Variants in GPAM observed in about 807,000 individuals in gnomAD.
The protein encoded by GPAM is glycerol-3-phosphate acyltransferase 1, mitochondrial.
Under a neutral mutation model 105.0 loss-of-function variants are expected in GPAM, and 56 were observed. The ratio of observed to expected loss-of-function variants is 0.53; its 90% CI spans 0.43 to 0.67. GPAM has a LOEUF of 0.67. Among genes scored for constraint, GPAM ranks in the 30% least tolerant of loss-of-function variants. The pLI is 0.00. For synonymous variants in GPAM, 368 were observed against 354.4 expected, an observed-to-expected ratio of 1.04 and a Z score of -0.43; for missense variants, 855 against 989.8, an observed-to-expected ratio of 0.86 and a Z score of 1.83.
intron 20 of GPAM, chr10:112,154,968 A>G (rs949900906): frequency 3.9e-6 from 2 of 509,718 alleles, no homozygotes; most frequent in Non-Finnish European, 7.1e-6. Flanking sequence ...GAACAGAGGG[A>G]AGTAGAAATA....
At chr10:112,226,913 C>T in the GPAM span, among the ~76,000 whole-genome samples, 1 of 152,134 alleles carries the variant, frequency 6.6e-6, no homozygotes, top group South Asian at 2.1e-4. Context: ...TGCAGCAGGG[C>T]AGACTTCCAC....
At chr10:112,220,160 AG>A (rs2133315280), upstream of GPAM, among the ~76,000 whole-genome samples, 1 of 152,182 alleles carries the variant, frequency 6.6e-6, no homozygotes, top group East Asian at 1.9e-4. Flanking sequence ...TAGACTGAGC[AG>A]GCAGGAGGAC....
At position 112,163,822 on chromosome 10, in the gene GPAM, A is replaced by C. The variant is rs763973813; in HGVS notation, c.1308-6T>G. ...CATCAGCAGCATCACTGGGTCTAAA[A>C]AGTGTTTCAAAAATCAACACACAAC... On this transcript the variant is annotated splice_region_variant and splice_polypyrimidine_tract_variant and intron_variant, in intron 13 of 21. Coordinates refer to ENST00000348367, the MANE Select transcript of GPAM (RefSeq NM_001244949.2). 2 of 1,443,230 alleles carry C rather than the reference A, an allele frequency of 1.4e-6. No individual in the cohort carries two copies. The highest frequency in any genetic ancestry group is 9.8e-7 in the Non-Finnish European group (1 of 1,024,032). 89.4% of individuals were successfully genotyped at this position (1,443,230 alleles called of 1,614,324 possible).
At chr10:112,202,225 G>C (rs766137314) in intron 1 of GPAM, among the ~76,000 whole-genome samples, 1 of 152,238 alleles carries the variant, frequency 6.6e-6, no homozygotes, top group Non-Finnish European at 1.5e-5. Flanking sequence ...CATAAAAGCA[G>C]CCTTAGACAG....
At chr10:112,170,073 T>C (rs929784482) in intron 9 of GPAM, among the ~76,000 whole-genome samples, 4 of 152,160 alleles carry the variant, frequency 2.6e-5, no homozygotes, top group African/African-American at 4.8e-5. Flanking sequence ...ATAATAGAAA[T>C]AAAGTGCACA....
intron 1 of GPAM, among the ~76,000 whole-genome samples, chr10:112,212,630 GA>G (rs1847924949): frequency 6.6e-6 from 1 of 152,154 alleles, no homozygotes. Flanking sequence ...AGGGTCTCGA[GA>G]AAGCCCCTGG....
intron 2 of GPAM, among the ~76,000 whole-genome samples, chr10:112,182,251 T>C (rs1253673984): frequency 6.6e-6 from 1 of 152,220 alleles, no homozygotes; most frequent in Non-Finnish European, 1.5e-5. Context: ...GAATAGTTCC[T>C]GGCAGAAGGA....
the GPAM span, among the ~76,000 whole-genome samples, chr10:112,223,085 T>G: frequency 2.4e-4 from 36 of 152,160 alleles, no homozygotes; most frequent in African/African-American, 8.2e-4. Context: ...CCTTCTCTCA[T>G]CAGTCTGGCA....
upstream of GPAM, among the ~76,000 whole-genome samples, chr10:112,187,217 T>A (rs1847606263): frequency 6.6e-6 from 1 of 152,008 alleles, no homozygotes; most frequent in African/African-American, 2.4e-5. Context: ...AGAAAATACA[T>A]GGCAAGATGA....
intron 1 of GPAM, among the ~76,000 whole-genome samples, chr10:112,183,298 CCAAT>C (rs2133271856): frequency 6.6e-6 from 1 of 152,364 alleles, no homozygotes; most frequent in Non-Finnish European, 1.5e-5. Flanking sequence ...AGCGCTCAGT[CCAAT>C]CAATGGTAAC....
At chr10:112,175,499 C>A in intron 6 of GPAM, 101 bp downstream of exon 6, 1 of 762,456 alleles carries the variant, frequency 1.3e-6, no homozygotes. Flanking sequence ...TCTTGAGACA[C>A]AGTCCCAGAG....
intron 3 of GPAM, among the ~76,000 whole-genome samples, chr10:112,180,911 T>G (rs1847496854): frequency 1.3e-5 from 2 of 152,170 alleles, no homozygotes; most frequent in African/African-American, 4.8e-5. Flanking sequence ...AGTCTAACAA[T>G]TAACCTTACC....
In GPAM at chr10:112,151,569, C is replaced by T; in HGVS notation, c.*1981G>A. ...AGCATCTGAACGTACTTCTAGAAAACAAACCAACCAAAAGGGAAAATAATG... is the reference window on the plus strand; with the variant it reads ...AGCATCTGAACGTACTTCTAGAAAATAAACCAACCAAAAGGGAAAATAATG... On this transcript the variant is annotated 3_prime_UTR_variant, in exon 22 of 22. Transcript: ENST00000348367. 1 of 985,754 alleles carries T rather than the reference C, an allele frequency of 1.0e-6. No homozygotes were observed. The highest frequency in any genetic ancestry group is 4.7e-5 in the South Asian group (1 of 21,284). The allele number at this position is 985,754 out of a possible 1,614,324, so 61.1% of individuals were successfully genotyped here.
chr10:112,224,456 C>G, the GPAM span, among the ~76,000 whole-genome samples: 1 of 152,142 alleles, frequency 6.6e-6, no homozygotes, highest in Non-Finnish European at 1.5e-5. Flanking sequence ...GGTTGCAGTT[C>G]AGGAGGCAAG....
chr10:112,207,585 C>T (rs1207689696), intron 1 of GPAM, among the ~76,000 whole-genome samples: 1 of 152,152 alleles, frequency 6.6e-6, no homozygotes, highest in Non-Finnish European at 1.5e-5. Context: ...ATGAAATAGG[C>T]AAGCTAAAAT....
At chr10:112,188,706 G>A (rs535018603), upstream of GPAM, among the ~76,000 whole-genome samples, 2 of 152,204 alleles carry the variant, frequency 1.3e-5, no homozygotes, top group Non-Finnish European at 2.9e-5. Context: ...AGATGTTCGA[G>A]GTATTTTAAA....
Position 112,175,661 on chromosome 10 carries a change from G to A in GPAM, c.352C>T (p.Arg118Ter), listed in dbSNP as rs781240716. The change falls in exon 6 of 22, where the codon CGA becomes TGA. Residue 118 changes from arginine (R) to a stop codon, truncating the protein, a stop_gained. Coordinates refer to ENST00000348367, the MANE Select transcript of GPAM (RefSeq NM_001244949.2). LOFTEE classifies it high-confidence loss of function. Reference protein sequence around the residue: ...RLSYVLFIQERDVHKGMFATN... With the variant: ...RLSYVLFIQE ...GCAAACATGCCCTTATGCACATCTC[G>A]CTCTTGAATAAAAAGAACGTAAGAA... The A allele has an allele frequency of 5.0e-6, 8 of 1,613,060 alleles. No individual in the cohort carries two copies. Among genetic ancestry groups the A allele is most frequent in the South Asian group, 3.3e-5 (3 of 91,048 alleles).
intron 8 of GPAM, 53 bp from the exon 9 acceptor site, chr10:112,172,371 A>G: frequency 2.1e-6 from 3 of 1,444,746 alleles, no homozygotes; most frequent in Non-Finnish European, 2.9e-6. Context: ...ATTCAATCAC[A>G]CTTTGCAACT....
chr10:112,217,946 T>C (rs1847986953), upstream of GPAM, among the ~76,000 whole-genome samples: 1 of 152,242 alleles, frequency 6.6e-6, no homozygotes, highest in Non-Finnish European at 1.5e-5. Context: ...TTAAAAGGAC[T>C]TCATTGTTTA....
Sources: gnomAD v4.1 joint callset for allele counts (sites outside exome capture counted in the v4.1 genomes callset) on GRCh38, gnomAD v4.1.1 for gene constraint, MANE v1.5 for transcripts, NCBI Gene and HGNC (gene_info 2026-07-23, HGNC 2026-07-21) for gene names.